Variants in POLN observed in about 807,000 individuals in gnomAD.
POLN encodes DNA polymerase nu.
In POLN, 108 loss-of-function variants were observed where a neutral mutation model predicts 113.5. The observed-to-expected ratio is 0.95, with a 90% CI of 0.81 to 1.12. The LOEUF is 1.12. Ranked by LOEUF, POLN falls within the 50% of genes most tolerant of loss-of-function variation. The probability of loss-of-function intolerance (pLI) is 0.00; values close to 1 mark genes in which losing one functional copy is unlikely to be tolerated. For missense variants in POLN, 1,097 were observed against 1,077.1 expected, an observed-to-expected ratio of 1.02 and a Z score of -0.26; for synonymous variants, 386 against 391.5, an observed-to-expected ratio of 0.99 and a Z score of 0.17.
chr4:2,173,866 G>C (rs1577740913), intron 11 of POLN, 89 bp downstream of exon 11: 2 of 1,218,186 alleles, frequency 1.6e-6, no homozygotes, highest in East Asian at 4.7e-5. Context: ...GAGAAGAAAA[G>C]GAGAATCTAC....
chr4:2,162,611 C>T (rs1732627786), intron 13 of POLN, among the ~76,000 whole-genome samples: 1 of 152,136 alleles, frequency 6.6e-6, no homozygotes, highest in East Asian at 1.9e-4. Context: ...TGCATGCCAC[C>T]ATGCCCAGCT....
At chr4:2,078,931 C>G (rs1011727585) in intron 23 of POLN, 2 of 985,046 alleles carry the variant, frequency 2.0e-6, no homozygotes, top group Non-Finnish European at 2.4e-6. Flanking sequence ...GAAAGTGAAC[C>G]GATTTTTTCT....
chr4:2,091,802 C>CGCGT (rs764531688), intron 20 of POLN, among the ~76,000 whole-genome samples: 3 of 126,156 alleles, frequency 2.4e-5, no homozygotes, highest in South Asian at 2.6e-4. Context: ...TGTGTGTGTG[C>CGCGT]GCGCGCTACA....
intron 19 of POLN, among the ~76,000 whole-genome samples, chr4:2,108,514 G>C (rs1387675755): frequency 6.6e-6 from 1 of 152,178 alleles, no homozygotes; most frequent in African/African-American, 2.4e-5. Flanking sequence ...GTACAGAAAG[G>C]AGGATATCCA....
chr4:2,196,841 CA>C (rs1228969053), intron 6 of POLN, among the ~76,000 whole-genome samples: 3 of 152,038 alleles, frequency 2.0e-5, no homozygotes, highest in African/African-American at 7.2e-5. Flanking sequence ...TTTGTTTGTT[CA>C]GAGAAAAACA....
chr4:2,164,088 G>T (rs554675439), intron 13 of POLN, among the ~76,000 whole-genome samples: 22 of 152,288 alleles, frequency 1.4e-4, no homozygotes, highest in African/African-American at 5.3e-4. Flanking sequence ...GGTCCTTTCT[G>T]TTCTAAAAAT....
chr4:2,222,283 G>C lies in POLN; in HGVS notation c.133+6816C>G, dbSNP rs568691155. 3.3e-5 allele frequency among the ~76,000 whole-genome samples: 5 copies of C among 152,204 alleles called. No individual in the cohort carries two copies. In the East Asian group the frequency reaches 9.7e-4, roughly 29 times the overall value. On this transcript the variant is annotated intron_variant, in intron 3 of 25. Coordinates refer to ENST00000511885, the MANE Select transcript of POLN (RefSeq NM_181808.4). The stretch of plus-strand genomic sequence containing the variant: ...TCAAGACCTTAATCTTGGCCAGGTG[G>C]AGGTGGCTCATGCCTGTAATCCCAG...
chr4:2,194,072 G>C (rs570074675), intron 6 of POLN, among the ~76,000 whole-genome samples: 1 of 152,314 alleles, frequency 6.6e-6, no homozygotes, highest in Admixed American at 6.5e-5. Flanking sequence ...TGAAGTGATT[G>C]TTGCACTGAA....
chr4:2,073,504 G>C (rs1379364627), intron 24 of POLN, among the ~76,000 whole-genome samples: 1 of 152,220 alleles, frequency 6.6e-6, no homozygotes, highest in Non-Finnish European at 1.5e-5. Context: ...CCCCACTACT[G>C]CCCGGTGAAG....
intron 19 of POLN, among the ~76,000 whole-genome samples, chr4:2,102,431 T>C (rs1170783854): frequency 2.0e-5 from 3 of 152,158 alleles, no homozygotes; most frequent in African/African-American, 7.2e-5. Flanking sequence ...GCAAAGCCCA[T>C]TGCAACCACT....
chr4:2,178,821 A>G (rs1733060550), intron 8 of POLN, among the ~76,000 whole-genome samples: 1 of 152,136 alleles, frequency 6.6e-6, no homozygotes, highest in African/African-American at 2.4e-5. Context: ...CAGGTTGGCT[A>G]GGTTGGTCTT....
chr4:2,215,945 T>C (rs1273804524), intron 3 of POLN, among the ~76,000 whole-genome samples: 2 of 152,200 alleles, frequency 1.3e-5, no homozygotes, highest in African/African-American at 4.8e-5. Flanking sequence ...CCTGATCAGG[T>C]AACCCAAACC....
intron 3 of POLN, among the ~76,000 whole-genome samples, chr4:2,213,547 A>G (rs966420633): frequency 3.9e-5 from 6 of 152,204 alleles, no homozygotes; most frequent in African/African-American, 1.4e-4. Flanking sequence ...TTTTGATTTA[A>G]TTTCAATAAG....
At chr4:2,215,976 C>A (rs1734103854) in intron 3 of POLN, among the ~76,000 whole-genome samples, 1 of 152,150 alleles carries the variant, frequency 6.6e-6, no homozygotes, top group Non-Finnish European at 1.5e-5. Context: ...AGAGGTAAGC[C>A]CCTGGCCACC....
chr4:2,175,923 G>A (rs1034673098), intron 9 of POLN, among the ~76,000 whole-genome samples: 4 of 152,190 alleles, frequency 2.6e-5, no homozygotes, highest in Admixed American at 1.3e-4. Flanking sequence ...TGCAGTGGCT[G>A]TCTGCTTCCC....
At chr4:2,109,928 T>C (rs1226258632) in intron 19 of POLN, among the ~76,000 whole-genome samples, 1 of 152,210 alleles carries the variant, frequency 6.6e-6, no homozygotes, top group Non-Finnish European at 1.5e-5. Context: ...TCTCCTTCAT[T>C]GATATTTTAG....
chr4:2,161,373 C>T (rs979987484), intron 13 of POLN, among the ~76,000 whole-genome samples: 2 of 152,232 alleles, frequency 1.3e-5, no homozygotes, highest in African/African-American at 2.4e-5. Context: ...AGCAGCCAGC[C>T]GGCCCTGCTA....
intron 7 of POLN, among the ~76,000 whole-genome samples, chr4:2,187,753 A>G (rs1277098306): frequency 6.6e-6 from 1 of 152,124 alleles, no homozygotes; most frequent in African/African-American, 2.4e-5. Flanking sequence ...AGGAGCTCCA[A>G]TTCATCTGGC....
intron 6 of POLN, among the ~76,000 whole-genome samples, chr4:2,193,560 A>AC (rs895775363): frequency 9.9e-5 from 15 of 152,220 alleles, no homozygotes; most frequent in African/African-American, 3.6e-4. Flanking sequence ...CCTGGGAAAC[A>AC]CCCCATTACC....
Sources: allele counts gnomAD v4.1 joint callset (sites outside exome capture counted in the v4.1 genomes callset), GRCh38; gene constraint gnomAD v4.1.1; transcripts MANE v1.5; gene names NCBI Gene and HGNC (gene_info 2026-07-23, HGNC 2026-07-21).